The following PTPRN2 variants were observed in gnomAD, a reference collection of about 807,000 sequenced individuals.
PTPRN2 encodes the protein receptor-type tyrosine-protein phosphatase N2.
PTPRN2 carries 74 observed loss-of-function variants against 118.8 expected under a neutral mutation model. The ratio of observed to expected loss-of-function variants is 0.62; its 90% CI spans 0.52 to 0.76. The LOEUF is 0.76. Ranked by LOEUF, PTPRN2 falls within the 30% of genes least tolerant of loss-of-function variation. The probability of loss-of-function intolerance (pLI) is 0.00; values close to 1 mark genes in which losing one functional copy is unlikely to be tolerated. For missense variants in PTPRN2, 1,481 were observed against 1,394.4 expected (o/e 1.06, Z -0.99); for synonymous variants, 641 against 608.0 (o/e 1.05, Z -0.80).
chr7:158,163,391 G>C (rs1822550479), intron 6 of PTPRN2, among the ~76,000 whole-genome samples: 1 of 150,338 alleles, frequency 6.7e-6, no homozygotes, highest in Non-Finnish European at 1.5e-5. Flanking sequence ...TGTTTCATAG[G>C]TGATGCCTGC....
intron 10 of PTPRN2, among the ~76,000 whole-genome samples, chr7:158,085,769 TGACGCCCATCCACACCCAC>T (rs1268681933): frequency 1.1e-5 from 1 of 91,016 alleles, no homozygotes; most frequent in African/African-American, 4.8e-5. Flanking sequence ...TCCACACCCA[TGACGCCCATCCACACCCAC>T]GACGCCCATC....
chr7:158,519,452 C>T (rs1010090450), intron 1 of PTPRN2, among the ~76,000 whole-genome samples: 1 of 152,168 alleles, frequency 6.6e-6, no homozygotes, highest in African/African-American at 2.4e-5. Flanking sequence ...TCCTTCCCTG[C>T]CCGATCTGCA....
chr7:158,214,801 G>A (rs1370053423), intron 3 of PTPRN2, among the ~76,000 whole-genome samples: 1 of 151,968 alleles, frequency 6.6e-6, no homozygotes, highest in African/African-American at 2.4e-5. Context: ...TATCAACAGA[G>A]GCCTCCTGGG....
At chr7:158,013,675 C>A (rs1585201606) in intron 11 of PTPRN2, among the ~76,000 whole-genome samples, 1 of 152,098 alleles carries the variant, frequency 6.6e-6, no homozygotes, top group South Asian at 2.1e-4. Flanking sequence ...ATTTACCCAT[C>A]CATCTCTCCA....
Position 158,544,282 on chromosome 7 carries a change from G to A in PTPRN2, c.112+43276C>T, listed in dbSNP as rs958290975. Reference sequence around the variant, plus strand: ...CAAGCGTATCCAGCCCACAGGCCACGGCCCACGAGATGGCTCTGAATGTGG... The same window carrying A: ...CAAGCGTATCCAGCCCACAGGCCACAGCCCACGAGATGGCTCTGAATGTGG... On this transcript the variant is annotated intron_variant, in intron 1 of 22. Transcript: ENST00000389418. This position sits in a 1 kb window ranked among gnomAD's most constrained non-coding sequence, Gnocchi z 4.2. 1.3e-5 allele frequency among the ~76,000 whole-genome samples: 2 copies of A among 151,904 alleles called. No individual in the cohort carries two copies. The highest frequency in any genetic ancestry group is 2.1e-4 in the South Asian group (1 of 4,814).
At chr7:158,268,894 A>C (rs1231815687) in intron 3 of PTPRN2, among the ~76,000 whole-genome samples, 1 of 138,582 alleles carries the variant, frequency 7.2e-6, no homozygotes, top group Non-Finnish European at 1.5e-5. Flanking sequence ...CCGCACGCAC[A>C]CAGAGTGGGG....
chr7:157,636,849 T>C (rs1425163629), intron 14 of PTPRN2, among the ~76,000 whole-genome samples: 4 of 152,226 alleles, frequency 2.6e-5, no homozygotes, highest in Non-Finnish European at 5.9e-5. Context: ...AATCCTCTCA[T>C]TCCATTTGGA....
chr7:158,208,195 A>T (rs943082771), intron 3 of PTPRN2, among the ~76,000 whole-genome samples: 1 of 152,190 alleles, frequency 6.6e-6, no homozygotes, highest in African/African-American at 2.4e-5. Flanking sequence ...ATCACCCTTA[A>T]AGAGGAGGGA....
rs1171018682 is a variant in PTPRN2, at chr7:157,587,863, C to T, written c.2496+7375G>A. ...GTGGCTGTCCCCATGCCTGGGCTCC[C>T]GTGGTGGCTCTCCCCATGCCTGGGT... is the stretch of plus-strand genomic sequence containing the variant. On this transcript the variant is annotated intron_variant, in intron 17 of 22. Transcript: ENST00000389418. This position sits in a 1 kb window ranked among gnomAD's most constrained non-coding sequence, Gnocchi z 5.3. Among the ~76,000 whole-genome samples, 3 of 152,020 alleles carry T rather than the reference C, an allele frequency of 2.0e-5. No individual in the cohort carries two copies. Among genetic ancestry groups the T allele is most frequent in the African/African-American group, 4.8e-5 (2 of 41,370 alleles).
intron 4 of PTPRN2, among the ~76,000 whole-genome samples, chr7:158,192,808 G>T (rs1825886654): frequency 6.6e-6 from 1 of 152,220 alleles, no homozygotes; most frequent in African/African-American, 2.4e-5. Context: ...GGAAGCTGCA[G>T]GTGTTGGCTG....
At chr7:157,778,515 G>A (rs558896738) in intron 12 of PTPRN2, among the ~76,000 whole-genome samples, 5 of 151,592 alleles carry the variant, frequency 3.3e-5, no homozygotes, top group African/African-American at 1.2e-4. Context: ...GGTATCGAAT[G>A]CCTATGTAAA....
At chr7:157,805,827 G>A (rs987172976) in intron 12 of PTPRN2, among the ~76,000 whole-genome samples, 2 of 152,218 alleles carry the variant, frequency 1.3e-5, no homozygotes, top group African/African-American at 2.4e-5. Context: ...GACATGGAGT[G>A]TCTGTGTGAG....
chr7:158,152,702 C>T (rs1052693418), intron 6 of PTPRN2, among the ~76,000 whole-genome samples: 1 of 152,192 alleles, frequency 6.6e-6, no homozygotes, highest in Non-Finnish European at 1.5e-5. Flanking sequence ...CCATCCTGTG[C>T]CTATAAAAAC....
At chr7:158,488,835 C>T (rs1586786182) in intron 2 of PTPRN2, among the ~76,000 whole-genome samples, 1 of 152,260 alleles carries the variant, frequency 6.6e-6, no homozygotes, top group Non-Finnish European at 1.5e-5. Context: ...CAGTGCGCCC[C>T]GGGCCCACAC....
In PTPRN2 at chr7:157,990,559, C is replaced by G. The variant is rs566986742; in HGVS notation, c.1723+90739G>C. Among the ~76,000 whole-genome samples the G allele has an allele frequency of 2.0e-5, 3 of 152,108 alleles. No homozygotes were observed. The highest frequency in any genetic ancestry group is 4.4e-5 in the Non-Finnish European group (3 of 68,018). On this transcript the variant is annotated intron_variant, in intron 11 of 22. Transcript: ENST00000389418. The surrounding 1 kb of genome is among the most constrained non-coding windows in gnomAD (Gnocchi z 4.3). ...TGGCAAGTTCTGGGCAGGGGGAGAG[C>G]GACACAAGGCAAGGGAGGAGACATC...
chr7:157,820,601 G>T (rs548150835), intron 12 of PTPRN2, among the ~76,000 whole-genome samples: 6 of 148,090 alleles, frequency 4.1e-5, no homozygotes, highest in Non-Finnish European at 7.5e-5. Flanking sequence ...CCCCACACAC[G>T]CATTCTTACA....
chr7:157,685,216 C>T (rs1425159343), intron 12 of PTPRN2, among the ~76,000 whole-genome samples: 6 of 151,922 alleles, frequency 3.9e-5, no homozygotes, highest in Non-Finnish European at 7.4e-5. Context: ...GCCGATGGCC[C>T]CCGCGCGCCT....
chr7:158,334,367 G>A (rs796996735), intron 2 of PTPRN2, among the ~76,000 whole-genome samples: 22 of 9,762 alleles, frequency 2.3e-3, no homozygotes, highest in South Asian at 4.1e-3. Context: ...AAGAGCTGAC[G>A]CCCGCAGATG....
chr7:158,163,798 G>A (rs973930399), intron 6 of PTPRN2, among the ~76,000 whole-genome samples: 3 of 151,190 alleles, frequency 2.0e-5, no homozygotes, highest in African/African-American at 7.3e-5. Context: ...CATAGGTGAC[G>A]CCTGTACGGG....
Sources: allele counts gnomAD v4.1 joint callset (sites outside exome capture counted in the v4.1 genomes callset), GRCh38; gene constraint gnomAD v4.1.1; non-coding constraint Gnocchi (gnomAD v3.1); transcripts MANE v1.5; gene names NCBI Gene and HGNC (gene_info 2026-07-23, HGNC 2026-07-21).